MMP15: variants seen among roughly 807,000 people sequenced by gnomAD.
MMP15 encodes the protein matrix metalloproteinase-15.
A neutral mutation model predicts 65.0 loss-of-function variants in MMP15; 36 were observed. The ratio of observed to expected loss-of-function variants is 0.55; its 90% CI spans 0.42 to 0.73. The LOEUF (loss-of-function observed/expected upper bound fraction) is 0.73. Ranked by LOEUF, MMP15 falls within the 30% of genes least tolerant of loss-of-function variation. The probability of loss-of-function intolerance (pLI) is 0.00; values close to 1 mark genes in which losing one functional copy is unlikely to be tolerated. For missense variants in MMP15, 870 were observed against 987.8 expected (o/e 0.88, Z 1.60); for synonymous variants, 428 against 410.2 (o/e 1.04, Z -0.52).
intron 1 of MMP15, among the ~76,000 whole-genome samples, chr16:58,035,074 T>C (rs1959303343): frequency 6.6e-6 from 1 of 152,026 alleles, no homozygotes; most frequent in Non-Finnish European, 1.5e-5. Flanking sequence ...CCCCCGCCAC[T>C]CCCCCGGCCT....
intron 1 of MMP15, among the ~76,000 whole-genome samples, chr16:58,034,876 C>T (rs1468028422): frequency 6.6e-6 from 1 of 152,212 alleles, no homozygotes; most frequent in Non-Finnish European, 1.5e-5. Context: ...GAGCTCTTCA[C>T]TGCAGACAGG....
intron 1 of MMP15, among the ~76,000 whole-genome samples, chr16:58,029,952 T>C (rs1294506106): frequency 6.6e-6 from 1 of 152,064 alleles, no homozygotes; most frequent in African/African-American, 2.4e-5. Context: ...GGCCCTTTTG[T>C]TGTTTGGTCC....
intron 9 of MMP15, among the ~76,000 whole-genome samples, chr16:58,043,967 C>T (rs1959503983): frequency 6.6e-6 from 1 of 152,226 alleles, no homozygotes; most frequent in South Asian, 2.1e-4. Context: ...AGAGTCCAGC[C>T]ACCCCCAGGC....
chr16:58,025,771 C>G lies in MMP15; in HGVS notation c.-580C>G, dbSNP rs1425802142. On this transcript the variant is annotated 5_prime_UTR_variant, in exon 1 of 10. Coordinates refer to ENST00000219271, the MANE Select transcript of MMP15 (RefSeq NM_002428.4). ...CGCGCGGGGAGGAGGGCTGGGAGCG[C>G]CCGGAGCCGCGCTGAACTCGCCGGG... 2 of 151,816 alleles carry G rather than the reference C, an allele frequency of 1.3e-5. No homozygotes were observed. The highest frequency in any genetic ancestry group is 4.8e-5 in the African/African-American group (2 of 41,366). 9.4% of individuals were successfully genotyped at this position (151,816 alleles called of 1,614,324 possible). A position where few individuals can be genotyped will look rare whatever the true frequency, so the allele number is the denominator to read the frequency against.
chr16:58,045,146 C>T lies in MMP15; in HGVS notation c.1710C>T (p.Pro570=), dbSNP rs1248494867. ...ACGTGGAGCCAGGCCCCCGATGGCC[C>T]GACGTGGCCCGGCCGCCCTTCAACC... ...QEHVEPGPRW[P]DVARPPFNPH... Residue 570 remains proline (P), a synonymous_variant, in exon 10 of 10, where the codon CCC becomes CCT. Transcript: ENST00000219271. 13 of 1,598,830 alleles carry T rather than the reference C, an allele frequency of 8.1e-6. No homozygotes were observed. The highest frequency in any genetic ancestry group is 2.3e-5 in the East Asian group (1 of 44,144).
chr16:58,042,173 A>C, intron 6 of MMP15, 58 bp from the exon 7 acceptor site: 1 of 1,567,380 alleles, frequency 6.4e-7, no homozygotes, highest in Admixed American at 1.8e-5. Flanking sequence ...TGAGGATGGC[A>C]CCTCTCCCGG....
In MMP15 at chr16:58,042,208, C is replaced by T. The variant is rs201908714; in HGVS notation, c.1165-23C>T. 3.8e-5 allele frequency: 61 copies of T among 1,605,372 alleles called. 1 individual carries two copies. In the Middle Eastern group the frequency reaches 9.0e-4, roughly 24 times the overall value. ...GCCAAGGCAGCTTGCCTGCGCTGCCCGCTCACACTATGCCCTCCCCAGGGC... is the reference window on the plus strand; with the variant it reads ...GCCAAGGCAGCTTGCCTGCGCTGCCTGCTCACACTATGCCCTCCCCAGGGC... On this transcript the variant is annotated intron_variant, in intron 6 of 9. Transcript: ENST00000219271.
chr16:58,028,521 C>A (rs1205761990), intron 1 of MMP15, among the ~76,000 whole-genome samples: 1 of 152,208 alleles, frequency 6.6e-6, no homozygotes, highest in East Asian at 1.9e-4. Context: ...AGTCAAATGG[C>A]CTCAGCAGCC....
intron 2 of MMP15, 118 bp downstream of exon 2, chr16:58,037,738 TG>T: frequency 2.1e-6 from 3 of 1,428,932 alleles, no homozygotes; most frequent in Non-Finnish European, 2.9e-6. Flanking sequence ...AGATGCCAAA[TG>T]GTTTGGTCCT....
chr16:58,035,836 C>G (rs1352721671), intron 1 of MMP15, among the ~76,000 whole-genome samples: 3 of 152,228 alleles, frequency 2.0e-5, no homozygotes, highest in African/African-American at 7.2e-5. Flanking sequence ...CATGCTGCCC[C>G]TCCTTGGGTC....
In MMP15 at chr16:58,041,652, C is replaced by G. The variant is rs575787668; in HGVS notation, c.946C>G (p.Leu316Val). Residue 316 changes from leucine to valine, a missense_variant, in exon 6 of 10, where the codon CTC (leucine) becomes GTC (valine). Transcript: ENST00000219271. ...PDGQPQPTQP[L>V]PTVTPRRPGR... The stretch of plus-strand genomic sequence containing the variant: ...CGGTCAGCCACAGCCTACCCAGCCT[C>G]TCCCCACTGTGACGCCACGGCGGCC... The G allele has an allele frequency of 1.9e-6, 3 of 1,581,906 alleles. No homozygotes were observed. In the East Asian group the frequency reaches 7.0e-5, roughly 37 times the overall value.
intron 1 of MMP15, among the ~76,000 whole-genome samples, chr16:58,036,865 C>T (rs1314358569): frequency 4.6e-5 from 7 of 152,250 alleles, no homozygotes; most frequent in African/African-American, 1.2e-4. Flanking sequence ...ACTGTGGACA[C>T]AGCTTCTGTC....
intron 1 of MMP15, among the ~76,000 whole-genome samples, chr16:58,030,929 G>A (rs548873491): frequency 6.6e-6 from 1 of 152,184 alleles, no homozygotes; most frequent in South Asian, 2.1e-4. Flanking sequence ...GCATTTATGT[G>A]CAAAACACTA....
intron 1 of MMP15, 33 bp from the exon 2 acceptor site, chr16:58,037,439 G>A (rs1283521664): frequency 6.2e-7 from 1 of 1,608,770 alleles, no homozygotes; most frequent in South Asian, 1.1e-5. Context: ...AGCAGTGCCA[G>A]GACCTGCTGA....
At chr16:58,044,304 AG>A (rs1959511473) in intron 9 of MMP15, among the ~76,000 whole-genome samples, 1 of 152,182 alleles carries the variant, frequency 6.6e-6, no homozygotes, top group African/African-American at 2.4e-5. Context: ...TAAATCAGCC[AG>A]GTGTGGTGAC....
intron 1 of MMP15, among the ~76,000 whole-genome samples, chr16:58,030,496 T>C (rs1373495091): frequency 6.6e-6 from 1 of 152,122 alleles, no homozygotes. Context: ...GAGACCCAAC[T>C]CAGCCTCCAG....
Position 58,038,292 on chromosome 16 carries a change from T to G in MMP15, c.338T>G (p.Val113Gly). The G allele has an allele frequency of 6.2e-7, 1 of 1,613,886 alleles. No homozygotes were observed. The highest frequency in any genetic ancestry group is 8.5e-7 in the Non-Finnish European group (1 of 1,179,992). ...TGGATGAAGCGGCCCCGCTGTGGGG[T>G]GCCAGACCAGTTCGGGGTACGAGTG... Reference protein sequence around the residue: ...KEWMKRPRCGVPDQFGVRVKA... With the variant: ...KEWMKRPRCGGPDQFGVRVKA... Residue 113 changes from valine to glycine, a missense_variant, in exon 3 of 10, where the codon GTG becomes GGG. Val to Gly is a moderately radical substitution (Grantham distance 109, BLOSUM62 -3). Coordinates refer to ENST00000219271, the MANE Select transcript of MMP15 (RefSeq NM_002428.4).
Position 58,045,555 on chromosome 16 carries a change from C to G in MMP15, c.*109C>G. On this transcript the variant is annotated 3_prime_UTR_variant, in exon 10 of 10. Coordinates refer to ENST00000219271, the MANE Select transcript of MMP15 (RefSeq NM_002428.4). ...GGGGCCCCTCTCAGCCCTCACACAC[C>G]CTGTCTGCCCCGCCCTCATTATTTA... The G allele has an allele frequency of 1.2e-6, 1 of 826,950 alleles. No homozygotes were observed. The highest frequency in any genetic ancestry group is 1.8e-6 in the Non-Finnish European group (1 of 544,214). 51.2% of individuals were successfully genotyped at this position (826,950 alleles called of 1,614,324 possible).
At chr16:58,039,852 A>G in intron 3 of MMP15, 23 bp from the exon 4 acceptor site, 1 of 1,574,780 alleles carries the variant, frequency 6.4e-7, no homozygotes, top group Non-Finnish European at 8.7e-7. Flanking sequence ...GCATCCGCTC[A>G]CTCATCTCCC....
Sources: gnomAD v4.1 joint callset for allele counts (sites outside exome capture counted in the v4.1 genomes callset) on GRCh38, gnomAD v4.1.1 for gene constraint, MANE v1.5 for transcripts, NCBI Gene and HGNC (gene_info 2026-07-23, HGNC 2026-07-21) for gene names.